KIF1A: variants seen among roughly 807,000 people sequenced by gnomAD.
The protein encoded by KIF1A is kinesin family member 1A.
Under a neutral mutation model 227.3 loss-of-function variants are expected in KIF1A, and 46 were observed. The observed-to-expected ratio is 0.20, with a 90% CI of 0.16 to 0.26. The LOEUF (loss-of-function observed/expected upper bound fraction) is 0.26. Among genes scored for constraint, KIF1A ranks in the 10% least tolerant of loss-of-function variants. KIF1A has a pLI of 1.00. For synonymous variants in KIF1A, 1,022 were observed against 1,012.8 expected (o/e 1.01, Z -0.17); for missense variants, 1,683 against 2,485.9 (o/e 0.68, Z 6.87).
chr2:240,759,574 T>C (rs565837199), intron 25 of KIF1A, among the ~76,000 whole-genome samples: 74 of 92,104 alleles, frequency 8.0e-4, no homozygotes, highest in African/African-American at 3.4e-3. Context: ...CCCCTACTCC[T>C]ACTCCTCTCT....
At chr2:240,786,276 C>T in intron 6 of KIF1A, 59 bp downstream of exon 6, 2 of 1,546,142 alleles carry the variant, frequency 1.3e-6, no homozygotes, top group Non-Finnish European at 1.8e-6. Context: ...AAGGGGCTTC[C>T]TCCGGGGAGA....
chr2:240,727,142 C>T (rs576468221), intron 38 of KIF1A, among the ~76,000 whole-genome samples: 169 of 152,308 alleles, frequency 1.1e-3, no homozygotes, highest in Non-Finnish European at 1.7e-3. Context: ...GTCTCTTGGA[C>T]GCCCCGATGA....
At chr2:240,718,313 G>C in intron 47 of KIF1A, 145 bp from the exon 48 acceptor site, 1 of 692,038 alleles carries the variant, frequency 1.4e-6, no homozygotes, top group South Asian at 1.6e-5. Flanking sequence ...AAGAGGGGAA[G>C]GCTGACCCAG....
rs777381916 is a variant in KIF1A at position 240,752,408 on chromosome 2, G to A, written c.2859-1861C>T. 1.3e-5 allele frequency among the ~76,000 whole-genome samples: 2 copies of A among 152,126 alleles called. No individual in the cohort carries two copies. The highest frequency in any genetic ancestry group is 2.9e-5 in the Non-Finnish European group (2 of 68,022). ...TCCTGCTGGGTGCTCCGCAGGCAGG[G>A]ACTCACCAGCATCCCCTTGGGAGGG... On this transcript the variant is annotated intron_variant, in intron 27 of 48. Transcript: ENST00000498729. The surrounding 1 kb of genome is among the most constrained non-coding windows in gnomAD (Gnocchi z 6.4).
chr2:240,771,388 G>A (rs917723547), intron 14 of KIF1A: 29 of 486,242 alleles, frequency 6.0e-5, no homozygotes, highest in Admixed American at 3.8e-4. Flanking sequence ...GCAGTGGCGC[G>A]CACTTGCCCG....
Position 240,757,448 on chromosome 2 carries a change from TC to T in KIF1A, c.2728del (p.Glu910ArgfsTer41). 7 of 1,549,400 alleles carry T rather than the reference TC, an allele frequency of 4.5e-6. No homozygotes were observed. Among genetic ancestry groups the T allele is most frequent in the Non-Finnish European group, 6.1e-6 (7 of 1,146,476 alleles). ...PAEEQSVGEEEEEEEEEEDEE... is the reference protein window; with the variant it reads ...PAEEQSVGEEXEEEEEEEDEE... ...ATCCTCCTCCTCCTCCTCCTCCTCC[TC>T]CTCCTCCCCCACGCTCTGCTCCTCG... On this transcript the variant is annotated frameshift_variant, in exon 27 of 49. Coordinates refer to ENST00000498729, the MANE Select transcript of KIF1A (RefSeq NM_001244008.2). LOFTEE classifies it high-confidence loss of function. This position sits in a 1 kb window ranked among gnomAD's most constrained non-coding sequence, Gnocchi z 6.2.
In KIF1A at chr2:240,787,241, G is replaced by A. The variant is rs1274330687; in HGVS notation, c.429+10C>T. 9.3e-6 allele frequency: 15 copies of A among 1,610,956 alleles called. No individual in the cohort carries two copies. The highest frequency in any genetic ancestry group is 1.2e-5 in the Non-Finnish European group (14 of 1,177,734). On this transcript the variant is annotated intron_variant, in intron 5 of 48. Coordinates refer to ENST00000498729, the MANE Select transcript of KIF1A (RefSeq NM_001244008.2). The stretch of plus-strand genomic sequence containing the variant: ...TGCCCCAGCGGCCAACGGCAGGCGG[G>A]GAGCCCTACCTCCACGGAGTAGGAC...
chr2:240,794,256 C>A (rs1197343890), intron 2 of KIF1A, among the ~76,000 whole-genome samples: 1 of 152,238 alleles, frequency 6.6e-6, no homozygotes, highest in Non-Finnish European at 1.5e-5. Context: ...TAGCTTCCAG[C>A]ACTTTCTTCC....
intron 12 of KIF1A, 113 bp downstream of exon 12, chr2:240,774,070 C>T: frequency 1.6e-6 from 1 of 638,560 alleles, no homozygotes; most frequent in Non-Finnish European, 2.8e-6. Flanking sequence ...CCAGGGTATA[C>T]CCCTCACAAA....
intron 38 of KIF1A, among the ~76,000 whole-genome samples, chr2:240,733,300 G>A (rs1425354843): frequency 1.3e-5 from 2 of 152,060 alleles, no homozygotes; most frequent in African/African-American, 4.8e-5. Context: ...AACTCCCAGA[G>A]GCAGGCCAGC....
At chr2:240,808,963 C>G (rs1392560032) in intron 1 of KIF1A, among the ~76,000 whole-genome samples, 3 of 152,208 alleles carry the variant, frequency 2.0e-5, no homozygotes, top group Non-Finnish European at 2.9e-5. Flanking sequence ...AACTCCTGAC[C>G]TCGTGATCTG....
chr2:240,808,693 T>C (rs1559546651), intron 1 of KIF1A, among the ~76,000 whole-genome samples: 1 of 151,590 alleles, frequency 6.6e-6, no homozygotes, highest in Non-Finnish European at 1.5e-5. Flanking sequence ...ATAAATAAAA[T>C]AATAACCCAA....
At chr2:240,720,077 G>A (rs993680692) in intron 45 of KIF1A, 151 bp from the exon 46 acceptor site, 14 of 649,834 alleles carry the variant, frequency 2.2e-5, no homozygotes, top group African/African-American at 9.6e-5. Context: ...GGGAGCTCCC[G>A]GGGCCCGTCC....
At chr2:240,812,642 G>A (rs528775774) in intron 1 of KIF1A, among the ~76,000 whole-genome samples, 11 of 147,346 alleles carry the variant, frequency 7.5e-5, no homozygotes, top group Admixed American at 3.4e-4. Flanking sequence ...CTCTGGGTCC[G>A]CCTTCACCTC....
rs891748365 is a variant in KIF1A at position 240,820,028 on chromosome 2, G to A, written c.-61+94C>T. ...GCCGGAGCTCCCCGCCCTGGGCGCA[G>A]TGGGTGCAGGTGCGGGCTGCGGGCG... On this transcript the variant is annotated intron_variant, in intron 1 of 48. Transcript: ENST00000498729. This position sits in a 1 kb window ranked among gnomAD's most constrained non-coding sequence, Gnocchi z 6.2. The A allele has an allele frequency of 6.6e-6, 1 of 152,062 alleles. No individual in the cohort carries two copies. Among genetic ancestry groups the A allele is most frequent in the African/African-American group, 2.4e-5 (1 of 41,296 alleles). 9.4% of individuals were successfully genotyped at this position (152,062 alleles called of 1,614,324 possible). A position where few individuals can be genotyped will look rare whatever the true frequency, so the allele number is the denominator to read the frequency against.
rs187338343 is a variant in KIF1A, at chr2:240,724,422, G to A, written c.4257-386C>T. On this transcript the variant is annotated intron_variant, in intron 40 of 48. Coordinates refer to ENST00000498729, the MANE Select transcript of KIF1A (RefSeq NM_001244008.2). Reference sequence around the variant, plus strand: ...CCACAGAGCAGCCCCACTGTGCCCCGGACAGATTCTGAGAGCACCTCGGCC... The same window carrying A: ...CCACAGAGCAGCCCCACTGTGCCCCAGACAGATTCTGAGAGCACCTCGGCC... The A allele has an allele frequency of 1.8e-3, 512 of 291,952 alleles. 4 individuals carry two copies. Among genetic ancestry groups the A allele is most frequent in the African/African-American group, 9.6e-3 (433 of 44,906 alleles). The allele number at this position is 291,952 out of a possible 1,614,324, so 18.1% of individuals were successfully genotyped here. A position where few individuals can be genotyped will look rare whatever the true frequency, so the allele number is the denominator to read the frequency against.
chr2:240,743,694 A>T (rs1222801672), intron 33 of KIF1A, among the ~76,000 whole-genome samples: 1 of 152,156 alleles, frequency 6.6e-6, no homozygotes, highest in Non-Finnish European at 1.5e-5. Flanking sequence ...TGCCCAGGCC[A>T]GCAGGAGGTC....
rs1197809141 is a variant in KIF1A at position 240,766,649 on chromosome 2, G to C, written c.1684+266C>G. On this transcript the variant is annotated intron_variant, in intron 19 of 48. Transcript: ENST00000498729. This position sits in a 1 kb window ranked among gnomAD's most constrained non-coding sequence, Gnocchi z 5.0. ...CTACCCCTGGCCACAGAAAGTACCA[G>C]GCATTTTCCCAAGCACCAACCTAAT... 1.3e-5 allele frequency among the ~76,000 whole-genome samples: 2 copies of C among 151,868 alleles called. No individual in the cohort carries two copies. Among genetic ancestry groups the C allele is most frequent in the Non-Finnish European group, 2.9e-5 (2 of 67,990 alleles).
At chr2:240,760,434 T>C (rs1396256607) in intron 25 of KIF1A, among the ~76,000 whole-genome samples, 2 of 152,262 alleles carry the variant, frequency 1.3e-5, no homozygotes, top group Non-Finnish European at 2.9e-5. Context: ...CGAAAGAAAA[T>C]GTCCAAATCT....
Sources: allele counts gnomAD v4.1 joint callset (sites outside exome capture counted in the v4.1 genomes callset), GRCh38; gene constraint gnomAD v4.1.1; non-coding constraint Gnocchi (gnomAD v3.1); transcripts MANE v1.5; gene names NCBI Gene and HGNC (gene_info 2026-07-23, HGNC 2026-07-21).